NRG2: variants seen among roughly 807,000 people sequenced by gnomAD.
NRG2 encodes neuregulin 2.
Under a neutral mutation model 73.9 loss-of-function variants are expected in NRG2, and 27 were observed. The ratio of observed to expected loss-of-function variants is 0.37; its 90% confidence interval spans 0.27 to 0.50. NRG2 has a LOEUF of 0.50. Among genes scored for constraint, NRG2 ranks in the 20% least tolerant of loss-of-function variants. NRG2 has a pLI of 0.96. For missense variants in NRG2, 1,126 were observed against 1,210.1 expected, an observed-to-expected ratio of 0.93 and a Z score of 1.03; for synonymous variants, 532 against 541.0, an observed-to-expected ratio of 0.98 and a Z score of 0.23.
At chr5:139,923,039 C>G (rs1364485805) in intron 1 of NRG2, among the ~76,000 whole-genome samples, 1 of 152,162 alleles carries the variant, frequency 6.6e-6, no homozygotes, top group Non-Finnish European at 1.5e-5. Flanking sequence ...TGTCCTTATA[C>G]ACTTGTCCAA....
At chr5:140,026,320 G>A (rs1048969547) in intron 1 of NRG2, among the ~76,000 whole-genome samples, 1 of 152,118 alleles carries the variant, frequency 6.6e-6, no homozygotes, top group South Asian at 2.1e-4. Context: ...TTTGGGGTTG[G>A]GAAGAGATAA....
intron 6 of NRG2, among the ~76,000 whole-genome samples, chr5:139,855,075 C>G (rs1207127047): frequency 1.3e-5 from 2 of 152,158 alleles, no homozygotes; most frequent in Non-Finnish European, 2.9e-5. Flanking sequence ...TTCTCCTTGC[C>G]CCAAGGTTCT....
intron 2 of NRG2, among the ~76,000 whole-genome samples, chr5:139,885,633 G>A (rs968368218): frequency 5.3e-5 from 8 of 152,126 alleles, no homozygotes; most frequent in African/African-American, 1.9e-4. Context: ...AGTCACGGGC[G>A]TGGGTTTGTT....
intron 1 of NRG2, among the ~76,000 whole-genome samples, chr5:139,937,977 G>A (rs570412143): frequency 6.6e-6 from 1 of 152,330 alleles, no homozygotes; most frequent in African/African-American, 2.4e-5. Flanking sequence ...ACTCAGGGAG[G>A]ATAAGGCAGG....
At chr5:139,860,006 T>G in intron 5 of NRG2, 1 of 1,301,422 alleles carries the variant, frequency 7.7e-7, no homozygotes. Flanking sequence ...ACAGAAACGT[T>G]GGTCAGGACT....
At chr5:139,885,536 T>C (rs1401781253) in intron 2 of NRG2, among the ~76,000 whole-genome samples, 1 of 151,802 alleles carries the variant, frequency 6.6e-6, no homozygotes, top group African/African-American at 2.4e-5. Context: ...AGTGACTTCA[T>C]ATGGTGGTGG....
intron 1 of NRG2, among the ~76,000 whole-genome samples, chr5:139,935,147 G>A (rs183529390): frequency 7.3e-4 from 111 of 152,196 alleles, no homozygotes; most frequent in African/African-American, 2.5e-3. Flanking sequence ...CAGCCTGGGC[G>A]ACAGAGCGAG....
chr5:139,871,645 C>T (rs1489697883), intron 4 of NRG2, 76 bp downstream of exon 4: 14 of 1,578,588 alleles, frequency 8.9e-6, no homozygotes, highest in Non-Finnish European at 9.5e-6. Flanking sequence ...ACCCTCTTTT[C>T]CTAGAGCCCT....
At chr5:139,928,144 A>G (rs1752201702) in intron 1 of NRG2, among the ~76,000 whole-genome samples, 1 of 152,206 alleles carries the variant, frequency 6.6e-6, no homozygotes, top group African/African-American at 2.4e-5. Flanking sequence ...CTTTCTGACC[A>G]GGACTCTTAG....
intron 1 of NRG2, among the ~76,000 whole-genome samples, chr5:139,962,245 C>A (rs1317562871): frequency 6.6e-6 from 1 of 152,132 alleles, no homozygotes; most frequent in Non-Finnish European, 1.5e-5. Context: ...TGGCAGACAC[C>A]GAGTGCCAGA....
intron 1 of NRG2, among the ~76,000 whole-genome samples, chr5:139,952,102 C>T (rs1191156383): frequency 1.3e-5 from 2 of 152,214 alleles, no homozygotes; most frequent in Non-Finnish European, 2.9e-5. Flanking sequence ...ATAATAATAT[C>T]TACTTTGCAG....
chr5:139,848,842 A>G, intron 9 of NRG2, 145 bp from the exon 10 acceptor site: 1 of 721,920 alleles, frequency 1.4e-6, no homozygotes, highest in East Asian at 3.2e-5. Context: ...TGACGGCAGC[A>G]ACCCTCAGTG....
intron 1 of NRG2, among the ~76,000 whole-genome samples, chr5:140,014,732 C>T (rs1196105551): frequency 6.6e-6 from 1 of 152,226 alleles, no homozygotes; most frequent in African/African-American, 2.4e-5. Context: ...TCCCTGCTTT[C>T]ACTCTTGCTC....
chr5:140,032,131 G>A (rs921746753), intron 1 of NRG2, among the ~76,000 whole-genome samples: 16 of 152,138 alleles, frequency 1.1e-4, no homozygotes, highest in African/African-American at 3.9e-4. Flanking sequence ...AAGGAACCTG[G>A]TCATACCTCT....
intron 1 of NRG2, among the ~76,000 whole-genome samples, chr5:139,998,748 A>G (rs1758216189): frequency 1.2e-5 from 1 of 85,526 alleles, no homozygotes; most frequent in Non-Finnish European, 2.2e-5. Flanking sequence ...ACAAACAAAC[A>G]AACACTATCT....
rs144164142 is a variant in NRG2 at position 140,006,232 on chromosome 5, G to T, written c.700+36138C>A. 1.5e-3 allele frequency among the ~76,000 whole-genome samples: 235 copies of T among 152,280 alleles called. 1 individual carries two copies. The highest frequency in any genetic ancestry group is 5.5e-3 in the African/African-American group (229 of 41,558). On this transcript the variant is annotated intron_variant, in intron 1 of 9. Coordinates refer to ENST00000361474, the MANE Select transcript of NRG2 (RefSeq NM_004883.3). The stretch of plus-strand genomic sequence containing the variant: ...GCAGACCACCACTGTGCTTTGTAGG[G>T]CTCTTGTGCAGTATTATAAACAAAA...
At position 139,853,537 on chromosome 5, in the gene NRG2, A is replaced by T. The variant is rs1045170233; in HGVS notation, c.1293-510T>A. 2.0e-5 allele frequency among the ~76,000 whole-genome samples: 3 copies of T among 152,266 alleles called. No individual in the cohort carries two copies. The highest frequency in any genetic ancestry group is 4.4e-5 in the Non-Finnish European group (3 of 68,048). On this transcript the variant is annotated intron_variant, in intron 6 of 9. Transcript: ENST00000361474. This position sits in a 1 kb window ranked among gnomAD's most constrained non-coding sequence, Gnocchi z 4.1. ...AAGCCTGCAGGCCAGTAGAGGAAGC[A>T]GATGGTAAACACATAAACAAAGCAA...
chr5:139,848,616 G>A lies in NRG2; in HGVS notation c.1854C>T (p.Phe618=). 6.3e-7 allele frequency: 1 copy of A among 1,578,090 alleles called. No homozygotes were observed. Among genetic ancestry groups the A allele is most frequent in the Non-Finnish European group, 8.5e-7 (1 of 1,171,720 alleles). ...GCGCCGAGTTGGGGGACGTGATCTC[G>A]AAAGTTGGCACCTGCGTGGCCAGCG... ...HYSLATQVPT[F]EITSPNSAHA... is the part of the protein sequence containing the mutation. Residue 618 remains phenylalanine, a synonymous_variant, in exon 10 of 10, where the codon TTC becomes TTT. Coordinates refer to ENST00000361474, the MANE Select transcript of NRG2 (RefSeq NM_004883.3).
chr5:139,904,342 C>T lies in NRG2; in HGVS notation c.701-16831G>A. On this transcript the variant is annotated intron_variant, in intron 1 of 9. Transcript: ENST00000361474. This position sits in a 1 kb window ranked among gnomAD's most constrained non-coding sequence, Gnocchi z 6.0. ...GGGATCGGGCTCCCTCTCCCGCTTC[C>T]TCCCCTCTGGGTGCTTCTTGCCGCG... 6.3e-7 allele frequency: 1 copy of T among 1,593,048 alleles called. No individual in the cohort carries two copies. Among genetic ancestry groups the T allele is most frequent in the South Asian group, 1.1e-5 (1 of 90,050 alleles).
Sources: allele counts gnomAD v4.1 joint callset (sites outside exome capture counted in the v4.1 genomes callset), GRCh38; gene constraint gnomAD v4.1.1; non-coding constraint Gnocchi (gnomAD v3.1); transcripts MANE v1.5; gene names NCBI Gene and HGNC (gene_info 2026-07-23, HGNC 2026-07-21).